The following WFS1 variants were observed in gnomAD, a reference collection of about 807,000 sequenced individuals.
WFS1 encodes wolframin ER transmembrane glycoprotein, also known as wolframin.
WFS1 carries 90 observed loss-of-function variants against 68.5 expected under a neutral mutation model. The ratio of observed to expected loss-of-function variants is 1.31; its 90% CI spans 1.11 to 1.56. The LOEUF is 1.56. Among genes scored for constraint, WFS1 ranks in the 40% most tolerant of loss-of-function variants. The probability of loss-of-function intolerance (pLI) is 0.00; values close to 1 mark genes in which losing one functional copy is unlikely to be tolerated. For synonymous variants in WFS1, 860 were observed against 540.7 expected, an observed-to-expected ratio of 1.59 and a Z score of -8.19; for missense variants, 1,767 against 1,232.6, an observed-to-expected ratio of 1.43 and a Z score of -6.49.
In WFS1 at chr4:6,286,462, G is replaced by A. The variant is rs1304975028; in HGVS notation, c.233-631G>A. Among the ~76,000 whole-genome samples, 4 of 152,292 alleles carry A rather than the reference G, an allele frequency of 2.6e-5. No homozygotes were observed. The East Asian group carries it at 5.8e-4, about 22-fold the overall frequency. Reference sequence around the variant, plus strand: ...ATGATCTTGGACTTCCCAGTCTCCAGAATCGAAAGAAATACATTTCTGATG... The same window carrying A: ...ATGATCTTGGACTTCCCAGTCTCCAAAATCGAAAGAAATACATTTCTGATG... On this transcript the variant is annotated intron_variant, in intron 2 of 7. Transcript: ENST00000226760.
chr4:6,297,108 G>A (rs1261073214), intron 7 of WFS1, among the ~76,000 whole-genome samples: 2 of 152,236 alleles, frequency 1.3e-5, no homozygotes, highest in African/African-American at 2.4e-5. Flanking sequence ...GGATTCAGGC[G>A]TGAGACACTG....
rs1199183515 is a variant in WFS1 at position 6,302,382 on chromosome 4, A to C, written c.2587A>C (p.Ile863Leu). The change falls in exon 8 of 8, where the codon ATC becomes CTC. Residue 863 changes from isoleucine to leucine, a missense_variant. Transcript: ENST00000226760. Reference sequence around the variant, plus strand: ...CTCACCCACCAGGCGGCACGTGAAGATCGAGCACGACTGGCGCAGCACCGT... The same window carrying C: ...CTCACCCACCAGGCGGCACGTGAAGCTCGAGCACGACTGGCGCAGCACCGT... ...QLSPTRRHVK[I>L]EHDWRSTVHG... 6.2e-7 allele frequency: 1 copy of C among 1,613,024 alleles called. No homozygotes were observed. Among genetic ancestry groups the C allele is most frequent in the African/African-American group, 1.3e-5 (1 of 74,940 alleles).
intron 1 of WFS1, among the ~76,000 whole-genome samples, chr4:6,277,196 G>T (rs79271440): frequency 6.6e-6 from 1 of 152,242 alleles, no homozygotes; most frequent in African/African-American, 2.4e-5. Flanking sequence ...AGGGACTCCA[G>T]GCCTCGGCAT....
At chr4:6,293,023 C>G (rs1480578442) in intron 6 of WFS1, among the ~76,000 whole-genome samples, 1 of 152,204 alleles carries the variant, frequency 6.6e-6, no homozygotes, top group African/African-American at 2.4e-5. Flanking sequence ...AGAAACACCT[C>G]ACATGGAAGT....
Position 6,302,305 on chromosome 4 carries a change from G to A in WFS1, c.2510G>A (p.Trp837Ter). 2 of 1,609,746 alleles carry A rather than the reference G, an allele frequency of 1.2e-6. No individual in the cohort carries two copies. Among genetic ancestry groups the A allele is most frequent in the Non-Finnish European group, 1.7e-6 (2 of 1,177,810 alleles). The change falls in exon 8 of 8, where the codon TGG becomes TAG. Residue 837 changes from tryptophan (W) to a stop codon, truncating the protein, a stop_gained. Transcript: ENST00000226760. LOFTEE classifies it high-confidence loss of function. ...CTGGAGGGCCGCCTGGGCAGCAAGT[G>A]GCCTGTCTTCGAGCTCAAGGCCATC... ...TILEGRLGSK[W>*]PVFELKAISC...
chr4:6,288,618 A>G (rs944308073), intron 3 of WFS1: 36 of 348,634 alleles, frequency 1.0e-4, no homozygotes, highest in African/African-American at 2.3e-4. Flanking sequence ...CTGGCTTTCT[A>G]TGGTCCCCTG....
chr4:6,282,599 G>A (rs547741423), intron 2 of WFS1, among the ~76,000 whole-genome samples: 113 of 152,284 alleles, frequency 7.4e-4, no homozygotes, highest in Non-Finnish European at 1.3e-3. Context: ...TAAACACTAT[G>A]GAAGTATGTC....
At chr4:6,298,404 T>A (rs938130170) in intron 7 of WFS1, among the ~76,000 whole-genome samples, 1 of 152,252 alleles carries the variant, frequency 6.6e-6, no homozygotes. Context: ...CTCCTGGCAG[T>A]GTGAGCGCCT....
At position 6,301,541 on chromosome 4, in the gene WFS1, G is replaced by A. The variant is rs1450192109; in HGVS notation, c.1746G>A (p.Val582=). 1 of 1,614,006 alleles carries A rather than the reference G, an allele frequency of 6.2e-7. No homozygotes were observed. The highest frequency in any genetic ancestry group is 8.5e-7 in the Non-Finnish European group (1 of 1,180,036). Residue 582 remains valine, a synonymous_variant, in exon 8 of 8, where the codon GTG becomes GTA. Coordinates refer to ENST00000226760, the MANE Select transcript of WFS1 (RefSeq NM_006005.3). ...ILVAGLALVG[V]LQFARWFTSL... ...TGGCCGGCCTGGCCCTGGTGGGCGT[G>A]CTGCAGTTCGCCCGGTGGTTCACGT...
At chr4:6,271,375 A>C (rs907153611) in intron 1 of WFS1, among the ~76,000 whole-genome samples, 2 of 152,172 alleles carry the variant, frequency 1.3e-5, no homozygotes, top group Admixed American at 6.5e-5. Context: ...TCTCTGACTT[A>C]GGCCTCCCCT....
intron 4 of WFS1, 68 bp from the exon 5 acceptor site, chr4:6,291,129 C>T (rs1730450580): frequency 6.4e-7 from 1 of 1,563,504 alleles, no homozygotes. Flanking sequence ...GCAGAGTTGG[C>T]AGGGTCAGAG....
At position 6,301,436 on chromosome 4, in the gene WFS1, C is replaced by A; in HGVS notation, c.1641C>A (p.Ile547=). The change falls in exon 8 of 8, where the codon ATC becomes ATA. Residue 547 remains isoleucine, a synonymous_variant. Coordinates refer to ENST00000226760, the MANE Select transcript of WFS1 (RefSeq NM_006005.3). ...CFMWCELSVV[I]LLESTGLGLL... ...TGTGGTGTGAGCTCTCCGTGGTCAT[C>A]CTGCTGGAGTCCACCGGCCTGGGGC... 1 of 1,612,506 alleles carries A rather than the reference C, an allele frequency of 6.2e-7. No homozygotes were observed. The highest frequency in any genetic ancestry group is 8.5e-7 in the Non-Finnish European group (1 of 1,180,028).
intron 7 of WFS1, among the ~76,000 whole-genome samples, chr4:6,299,543 TGTGAATGTGTGTGTAGGGGTGGGTTGC>T (rs1730772072): frequency 3.1e-5 from 2 of 64,202 alleles, no homozygotes; most frequent in African/African-American, 7.2e-5. Flanking sequence ...GGGTGGGTTG[TGTGAATGTGTGTGTAGGGGTGGGTTGC>T]GTGTGTGTGA....
intron 2 of WFS1, among the ~76,000 whole-genome samples, chr4:6,280,754 G>A (rs574027622): frequency 1.3e-4 from 20 of 152,292 alleles, no homozygotes; most frequent in South Asian, 8.3e-4. Flanking sequence ...GGTACCAGCC[G>A]AGGCCCCACC....
intron 6 of WFS1, among the ~76,000 whole-genome samples, chr4:6,294,569 G>C (rs1198617492): frequency 6.6e-6 from 1 of 152,168 alleles, no homozygotes; most frequent in African/African-American, 2.4e-5. Flanking sequence ...ACGTTGAATG[G>C]AGGGGTTGGG....
rs1729927717 is a variant in WFS1, at chr4:6,274,313, C to T, written c.-5-3138C>T. ...CTGCCCGCCTCGGCCTCCCAAAGTGCTGGGATTACAGGCGTGAGCCACCGC... is the reference window on the plus strand; with the variant it reads ...CTGCCCGCCTCGGCCTCCCAAAGTGTTGGGATTACAGGCGTGAGCCACCGC... On this transcript the variant is annotated intron_variant, in intron 1 of 7. Coordinates refer to ENST00000226760, the MANE Select transcript of WFS1 (RefSeq NM_006005.3). Among the ~76,000 whole-genome samples, 3 of 150,064 alleles carry T rather than the reference C, an allele frequency of 2.0e-5. No homozygotes were observed. The Admixed American group carries it at 2.0e-4, about 10-fold the overall frequency.
intron 2 of WFS1, 150 bp downstream of exon 2, chr4:6,277,837 G>T (rs555723048): frequency 3.1e-6 from 3 of 966,710 alleles, no homozygotes; most frequent in Non-Finnish European, 4.7e-6. Context: ...CGTCCATCCA[G>T]TGGGGCTACC....
At position 6,300,776 on chromosome 4, in the gene WFS1, C is replaced by T. The variant is rs1257021150; in HGVS notation, c.981C>T (p.Leu327=). 21 of 1,613,916 alleles carry T rather than the reference C, an allele frequency of 1.3e-5. No homozygotes were observed. The Admixed American group carries it at 2.8e-4, about 22-fold the overall frequency. The change falls in exon 8 of 8, where the codon CTC becomes CTT. Residue 327 remains leucine (L), a synonymous_variant. Transcript: ENST00000226760. The part of the protein sequence containing the change: ...TIIPTHHINA[L]IFFFIVSNLT... Reference sequence around the variant, plus strand: ...TCCCCACGCACCACATCAACGCGCTCATCTTCTTCTTCATCGTCAGCAACC... The same window carrying T: ...TCCCCACGCACCACATCAACGCGCTTATCTTCTTCTTCATCGTCAGCAACC...
intron 1 of WFS1, among the ~76,000 whole-genome samples, chr4:6,274,212 A>G (rs1010195433): frequency 2.0e-5 from 3 of 151,704 alleles, no homozygotes; most frequent in Non-Finnish European, 1.5e-5. Context: ...ACGCCTGGCT[A>G]ATTTTTTTGT....
Sources: gnomAD v4.1 joint callset for allele counts (sites outside exome capture counted in the v4.1 genomes callset) on GRCh38, gnomAD v4.1.1 for gene constraint, MANE v1.5 for transcripts, NCBI Gene and HGNC (gene_info 2026-07-23, HGNC 2026-07-21) for gene names.